The following DCC variants were observed in gnomAD, a reference collection of about 807,000 sequenced individuals.
The protein encoded by DCC is DCC netrin 1 receptor.
DCC carries 58 observed loss-of-function variants against 172.5 expected under a neutral mutation model. The observed-to-expected ratio is 0.34, with a 90% CI of 0.27 to 0.42. DCC has a LOEUF of 0.42. DCC is among the 10% of genes least tolerant of loss of function. DCC has a pLI of 1.00. For missense variants in DCC, 1,740 were observed against 1,791.0 expected, an observed-to-expected ratio of 0.97 and a Z score of 0.51; for synonymous variants, 709 against 644.5, an observed-to-expected ratio of 1.10 and a Z score of -1.52.
rs1453579906 is a variant in DCC, at chr18:53,391,681, C to T, written c.2482C>T (p.Pro828Ser). The T allele has an allele frequency of 6.2e-6, 10 of 1,613,708 alleles. No homozygotes were observed. The highest frequency in any genetic ancestry group is 8.5e-6 in the Non-Finnish European group (10 of 1,179,836). The change falls in exon 17 of 29, where the codon CCT (proline) becomes TCT (serine). Residue 828 changes from proline (P) to serine (S), a missense_variant. Physicochemically the swap from Pro to Ser is moderately conservative, Grantham distance 74 (BLOSUM62 -1). This residue lies in a region of DCC where 1,732 missense variants were observed against 1,767.4 expected (regional missense o/e 0.98). Transcript: ENST00000442544. ...TDPTDPVDYYPLLDDFPTSVP... is the reference protein window; with the variant it reads ...TDPTDPVDYYSLLDDFPTSVP... ...TCCCACTGACCCAGTTGATTATTAT[C>T]CTTTGCTTGATGATTTCCCCACCTC...
At chr18:53,228,562 T>C (rs1406110701) in intron 12 of DCC, among the ~76,000 whole-genome samples, 1 of 152,146 alleles carries the variant, frequency 6.6e-6, no homozygotes, top group African/African-American at 2.4e-5. Context: ...TGCGTAGAGT[T>C]TCTGCTCTTC....
At position 53,257,694 on chromosome 18, in the gene DCC, A is replaced by T. The variant is rs184914854; in HGVS notation, c.1911+42097A>T. On this transcript the variant is annotated intron_variant, in intron 12 of 28. Coordinates refer to ENST00000442544, the MANE Select transcript of DCC (RefSeq NM_005215.4). ...CTCTTTTTTTTGTTGTGTCTCTGCC[A>T]GGCTTTGGTATCAGGATGATGCTGG... is the stretch of plus-strand genomic sequence containing the variant. Among the ~76,000 whole-genome samples the T allele has an allele frequency of 8.5e-3, 1,296 of 152,262 alleles. 13 individuals are homozygous for T. The highest frequency in any genetic ancestry group is 0.014 in the Non-Finnish European group (983 of 68,010).
intron 27 of DCC, among the ~76,000 whole-genome samples, chr18:53,504,994 A>C (rs2144493706): frequency 6.6e-6 from 1 of 152,296 alleles, no homozygotes; most frequent in Middle Eastern, 3.4e-3. Flanking sequence ...TGTGATGTTA[A>C]CAGTTATTCT....
intron 5 of DCC, among the ~76,000 whole-genome samples, chr18:53,033,288 G>C (rs1198681682): frequency 6.6e-6 from 1 of 152,064 alleles, no homozygotes; most frequent in African/African-American, 2.4e-5. Flanking sequence ...GACCTTGCTG[G>C]CTGGTCTCCC....
At chr18:52,444,432 C>T (rs1988061516) in intron 1 of DCC, among the ~76,000 whole-genome samples, 1 of 152,032 alleles carries the variant, frequency 6.6e-6, no homozygotes, top group African/African-American at 2.4e-5. Flanking sequence ...TAAAAACAAA[C>T]AATAGTAAAG....
intron 1 of DCC, among the ~76,000 whole-genome samples, chr18:52,625,282 A>G (rs1354361856): frequency 2.0e-5 from 3 of 152,150 alleles, no homozygotes; most frequent in African/African-American, 7.2e-5. Context: ...ATCTTTTTGA[A>G]TGGTGTAAAA....
intron 1 of DCC, among the ~76,000 whole-genome samples, chr18:52,357,262 T>G (rs1357162879): frequency 2.0e-5 from 3 of 152,144 alleles, no homozygotes; most frequent in African/African-American, 7.2e-5. Flanking sequence ...AATAGTTGAT[T>G]CTGGAACTTA....
At chr18:53,009,607 G>A (rs2041697790) in intron 5 of DCC, among the ~76,000 whole-genome samples, 1 of 151,838 alleles carries the variant, frequency 6.6e-6, no homozygotes, top group African/African-American at 2.4e-5. Flanking sequence ...ACCAATGCAT[G>A]TTTCTCTATC....
rs142651816 is a variant in DCC, at chr18:53,190,898, A to G, written c.1573+11782A>G. Among the ~76,000 whole-genome samples the G allele has an allele frequency of 1.7e-3, 254 of 152,322 alleles. 1 individual carries two copies. The highest frequency in any genetic ancestry group is 5.8e-3 in the African/African-American group (243 of 41,572). On this transcript the variant is annotated intron_variant, in intron 9 of 28. Coordinates refer to ENST00000442544, the MANE Select transcript of DCC (RefSeq NM_005215.4). ...GAGGCGGAGCTTGCAGTGAGCCGAG[A>G]TCGCGTCACTGCACTCTTGCCTGGG... is the stretch of plus-strand genomic sequence containing the variant.
intron 27 of DCC, chr18:53,505,343 AT>A (rs1336967205): frequency 6.7e-6 from 1 of 150,070 alleles, no homozygotes; most frequent in African/African-American, 2.5e-5. Flanking sequence ...ATTAAAAAAA[AT>A]AAAGATGAGC....
chr18:53,491,787 A>G (rs745560541), intron 26 of DCC, among the ~76,000 whole-genome samples: 7 of 152,188 alleles, frequency 4.6e-5, no homozygotes, highest in Non-Finnish European at 7.3e-5. Flanking sequence ...CAATAAATAT[A>G]CACATGCATG....
chr18:53,388,853 T>C (rs887587010), intron 16 of DCC, among the ~76,000 whole-genome samples: 6 of 152,186 alleles, frequency 3.9e-5, no homozygotes. Flanking sequence ...GGTGCAGTCA[T>C]GGCTCACTGT....
chr18:52,834,382 G>A (rs2145302183), intron 2 of DCC, among the ~76,000 whole-genome samples: 1 of 152,314 alleles, frequency 6.6e-6, no homozygotes, highest in Non-Finnish European at 1.5e-5. Flanking sequence ...CTTGCTAGAA[G>A]TTTCTACTTT....
chr18:52,410,892 A>C lies in DCC; in HGVS notation c.91+70014A>C, dbSNP rs1044274770. On this transcript the variant is annotated intron_variant, in intron 1 of 28. Transcript: ENST00000442544. ...ACTCCCTTGGAGAAGGAATACAGTG[A>C]CTTTTTATAGACAACTTTTAGAAAA... 1.1e-3 allele frequency among the ~76,000 whole-genome samples: 172 copies of C among 152,276 alleles called. 1 individual carries two copies. In the South Asian group the frequency reaches 0.018, roughly 16 times the overall value.
At chr18:53,065,642 C>A (rs2042555578) in intron 6 of DCC, among the ~76,000 whole-genome samples, 1 of 152,130 alleles carries the variant, frequency 6.6e-6, no homozygotes, top group Non-Finnish European at 1.5e-5. Flanking sequence ...AGTATTTATA[C>A]CCTTTCTTTT....
chr18:52,668,156 T>C (rs2035488768), intron 1 of DCC, among the ~76,000 whole-genome samples: 1 of 152,178 alleles, frequency 6.6e-6, no homozygotes. Flanking sequence ...TGAATATTAA[T>C]TTCAGGATGG....
chr18:53,060,891 T>C (rs925103512), intron 5 of DCC, among the ~76,000 whole-genome samples: 2 of 152,072 alleles, frequency 1.3e-5, no homozygotes, highest in Non-Finnish European at 2.9e-5. Context: ...ATTTTTGACA[T>C]TGAGAATATA....
At chr18:52,675,768 C>T (rs1166048624) in intron 1 of DCC, among the ~76,000 whole-genome samples, 60 of 152,160 alleles carry the variant, frequency 3.9e-4, no homozygotes, top group Non-Finnish European at 2.4e-4. Flanking sequence ...CGGCAACAAG[C>T]GTTGACATAG....
At chr18:53,071,584 TA>T (rs1268520538) in intron 7 of DCC, among the ~76,000 whole-genome samples, 1 of 152,196 alleles carries the variant, frequency 6.6e-6, no homozygotes, top group African/African-American at 2.4e-5. Context: ...TTGCATATAT[TA>T]CATTAAAAAT....
Sources: gnomAD v4.1 joint callset for allele counts (sites outside exome capture counted in the v4.1 genomes callset) on GRCh38, gnomAD v4.1.1 for gene constraint, gnomAD v4.1.1 regional missense constraint, MANE v1.5 for transcripts, NCBI Gene and HGNC (gene_info 2026-07-23, HGNC 2026-07-21) for gene names.